HDAC8: variants seen among roughly 807,000 people sequenced by gnomAD.
HDAC8 encodes the protein histone deacetylase 8.
HDAC8 carries 1 observed loss-of-function variant against 32.2 expected under a neutral mutation model. The observed-to-expected ratio is 0.03, with a 90% CI of 0.01 to 0.15. The LOEUF is 0.15. HDAC8 is among the 10% of genes least tolerant of loss of function. The pLI is 1.00. For synonymous variants in HDAC8, 108 were observed against 113.9 expected (o/e 0.95, Z 0.33); for missense variants, 117 against 300.0 (o/e 0.39, Z 4.51).
chrX:72,559,643 G>A (rs782112311), intron 4 of HDAC8, among the ~76,000 whole-genome samples: 181 of 107,245 alleles, frequency 1.7e-3, no homozygotes, highest in African/African-American at 4.2e-3. Flanking sequence ...CTGCCCGGCC[G>A]CCCATCGTCT....
rs185829633 is a variant in HDAC8, at chrX:72,428,372, G to A, written c.1005+33632C>T. Among the ~76,000 whole-genome samples the A allele has an allele frequency of 5.9e-3, 667 of 112,526 alleles. 9 individuals are homozygous for A. The highest frequency in any genetic ancestry group is 9.9e-3 in the Non-Finnish European group (527 of 53,274). On this transcript the variant is annotated intron_variant, in intron 9 of 10. Transcript: ENST00000373573. ...CTCCCAAAGTGCTGGGATTACAGGT[G>A]TGAGCCACCGCGCCCTGCCGATTAT...
chrX:72,331,830 G>T (rs2043532897), intron 10 of HDAC8, among the ~76,000 whole-genome samples: 1 of 111,804 alleles, frequency 8.9e-6, no homozygotes, highest in Admixed American at 9.5e-5. Context: ...CCATTTAATC[G>T]CAAGTGTAGA....
intron 2 of HDAC8, among the ~76,000 whole-genome samples, chrX:72,569,491 T>C (rs1207487255): frequency 8.9e-6 from 1 of 112,284 alleles, no homozygotes; most frequent in East Asian, 2.8e-4. Flanking sequence ...ACAAAAATGC[T>C]TGGTGGATAA....
At chrX:72,341,063 G>A (rs1021055854) in intron 10 of HDAC8, among the ~76,000 whole-genome samples, 16 of 111,657 alleles carry the variant, frequency 1.4e-4, no homozygotes, top group Admixed American at 2.9e-4. Flanking sequence ...ATGGTTCTGT[G>A]GTGGTCTCAT....
chrX:72,354,501 C>T (rs781800950), intron 9 of HDAC8, among the ~76,000 whole-genome samples: 2 of 112,216 alleles, frequency 1.8e-5, no homozygotes, highest in Non-Finnish European at 3.8e-5. Context: ...GTTTAGCTAG[C>T]CATATAGCTA....
In HDAC8 at chrX:72,401,471, T is replaced by C. The variant is rs141026526; in HGVS notation, c.1006-49633A>G. 3.3e-3 allele frequency among the ~76,000 whole-genome samples: 364 copies of C among 111,999 alleles called. 1 individual carries two copies. The highest frequency in any genetic ancestry group is 0.011 in the African/African-American group (345 of 30,883). On this transcript the variant is annotated intron_variant, in intron 9 of 10. Coordinates refer to ENST00000373573, the MANE Select transcript of HDAC8 (RefSeq NM_018486.3). ...CTCGAACTCCTGAGCTCAAGTGATC[T>C]GCTGCTTTGGCCTCCCAAAGTGCCA...
intron 7 of HDAC8, among the ~76,000 whole-genome samples, chrX:72,481,200 G>C (rs782482198): frequency 7.2e-5 from 8 of 111,176 alleles, no homozygotes; most frequent in East Asian, 5.7e-4. Flanking sequence ...CAGAGTGAAG[G>C]GGGGAAAGCC....
intron 4 of HDAC8, among the ~76,000 whole-genome samples, chrX:72,554,483 C>T (rs1310326750): frequency 3.4e-3 from 13 of 3,864 alleles, no homozygotes; most frequent in African/African-American, 0.014. Context: ...CTGTTTGGAG[C>T]GGGTAGGGCG....
At chrX:72,474,272 T>C in intron 7 of HDAC8, 1 of 733,023 alleles carries the variant, frequency 1.4e-6, no homozygotes, top group Non-Finnish European at 1.6e-6. Context: ...TTTAAATGTG[T>C]GTGAATATGA....
chrX:72,450,636 G>C (rs1376501367), intron 9 of HDAC8, among the ~76,000 whole-genome samples: 5 of 111,238 alleles, frequency 4.5e-5, no homozygotes, highest in African/African-American at 1.6e-4. Context: ...AAATTCATTG[G>C]ATGGAATGAA....
chrX:72,571,566 T>C (rs1306491894), intron 2 of HDAC8, among the ~76,000 whole-genome samples: 2 of 71,905 alleles, frequency 2.8e-5, no homozygotes, highest in African/African-American at 5.8e-5. Context: ...TTTTTTTTTT[T>C]TTTTTTTTTT....
chrX:72,406,429 C>T (rs1483605038), intron 9 of HDAC8, among the ~76,000 whole-genome samples: 1 of 111,137 alleles, frequency 9.0e-6, no homozygotes, highest in African/African-American at 3.3e-5. Context: ...TGAGGTTTTG[C>T]CATGTTGCCC....
At chrX:72,515,357 C>T (rs1278690712) in intron 4 of HDAC8, among the ~76,000 whole-genome samples, 1 of 110,735 alleles carries the variant, frequency 9.0e-6, no homozygotes, top group Admixed American at 9.7e-5. Context: ...GGTAGGACTT[C>T]CTTCTTTTTC....
intron 4 of HDAC8, among the ~76,000 whole-genome samples, chrX:72,512,921 C>G (rs2049640110): frequency 9.0e-6 from 1 of 111,500 alleles, no homozygotes; most frequent in Non-Finnish European, 1.9e-5. Context: ...CTCACTATTG[C>G]CCTCAAGTAC....
chrX:72,439,649 A>C (rs1348148409), intron 9 of HDAC8, among the ~76,000 whole-genome samples: 1 of 108,551 alleles, frequency 9.2e-6, no homozygotes, highest in African/African-American at 3.4e-5. Flanking sequence ...CAAAAAAAAA[A>C]AAAAAAAAAG....
At chrX:72,472,212 C>T (rs921694318) in intron 7 of HDAC8, among the ~76,000 whole-genome samples, 9 of 106,641 alleles carry the variant, frequency 8.4e-5, no homozygotes, top group African/African-American at 2.7e-4. Context: ...GGACTACAGG[C>T]GCCCGCCACT....
At chrX:72,388,282 G>A (rs894272993) in intron 9 of HDAC8, among the ~76,000 whole-genome samples, 2 of 109,884 alleles carry the variant, frequency 1.8e-5, no homozygotes, top group Non-Finnish European at 3.8e-5. Context: ...TAACTGATAT[G>A]AAGGATGGAT....
chrX:72,553,609 A>G (rs2051165269), intron 4 of HDAC8, among the ~76,000 whole-genome samples: 1 of 111,827 alleles, frequency 8.9e-6, no homozygotes, highest in African/African-American at 3.3e-5. Flanking sequence ...GGAAAAATAT[A>G]TATACAATCC....
chrX:72,498,436 C>T (rs2049102027), intron 4 of HDAC8, among the ~76,000 whole-genome samples: 1 of 111,752 alleles, frequency 8.9e-6, no homozygotes, highest in African/African-American at 3.2e-5. Context: ...TGCTGCTTTG[C>T]TAGATATTAG....
Sources: gnomAD v4.1 joint callset for allele counts (sites outside exome capture counted in the v4.1 genomes callset) on GRCh38, gnomAD v4.1.1 for gene constraint, MANE v1.5 for transcripts, NCBI Gene and HGNC (gene_info 2026-07-23, HGNC 2026-07-21) for gene names.